The following TENM2 variants were observed in gnomAD, a reference collection of about 807,000 sequenced individuals.
The protein encoded by TENM2 is teneurin transmembrane protein 2, also known as teneurin-2.
TENM2 carries 52 observed loss-of-function variants against 245.2 expected under a neutral mutation model. That is an observed-to-expected ratio of 0.21 (90% CI 0.17 to 0.27). The LOEUF (loss-of-function observed/expected upper bound fraction) is 0.27, where lower values mean the gene tolerates loss of function less well. Ranked by LOEUF, TENM2 falls within the 10% of genes least tolerant of loss-of-function variation. TENM2 has a pLI of 1.00. For missense variants in TENM2, 3,046 were observed against 3,666.8 expected (o/e 0.83, Z 4.37); for synonymous variants, 1,363 against 1,438.9 (o/e 0.95, Z 1.19).
chr5:167,982,161 G>T (rs1368777916), intron 4 of TENM2, among the ~76,000 whole-genome samples: 1 of 152,044 alleles, frequency 6.6e-6, no homozygotes, highest in Non-Finnish European at 1.5e-5. Flanking sequence ...TGCTGCCTGG[G>T]ATGCTCTTTT....
intron 7 of TENM2, among the ~76,000 whole-genome samples, chr5:168,067,511 A>T (rs1172255916): frequency 6.6e-6 from 1 of 152,174 alleles, no homozygotes; most frequent in African/African-American, 2.4e-5. Context: ...CATTTTTTAA[A>T]AGCAGATTTA....
intron 2 of TENM2, among the ~76,000 whole-genome samples, chr5:167,508,744 G>A (rs1242623874): frequency 1.3e-5 from 2 of 152,136 alleles, no homozygotes; most frequent in African/African-American, 4.8e-5. Context: ...CAGAATAGTG[G>A]TCTCATAACC....
chr5:167,234,306 G>T, the TENM2 span, among the ~76,000 whole-genome samples: 32,621 of 151,992 alleles, frequency 0.21, 4,178 homozygotes, highest in African/African-American at 0.36. Context: ...CATCCTTCAT[G>T]TTTTACTCTT....
chr5:167,251,222 C>T, the TENM2 span, among the ~76,000 whole-genome samples: 6 of 152,032 alleles, frequency 3.9e-5, no homozygotes, highest in Non-Finnish European at 8.8e-5. Flanking sequence ...GCTGGAAGAA[C>T]GAGAACTGGC....
chr5:167,030,656 C>T, the TENM2 span, among the ~76,000 whole-genome samples: 1 of 152,162 alleles, frequency 6.6e-6, no homozygotes, highest in East Asian at 1.9e-4. Context: ...TTTACATCTT[C>T]CTTTCTACTC....
chr5:167,104,561 A>C, the TENM2 span, among the ~76,000 whole-genome samples: 1 of 152,224 alleles, frequency 6.6e-6, no homozygotes, highest in African/African-American at 2.4e-5. Flanking sequence ...TGTAAAGGGT[A>C]ATTGCATTTT....
intron 2 of TENM2, among the ~76,000 whole-genome samples, chr5:167,715,817 T>C (rs982083490): frequency 2.0e-5 from 3 of 152,222 alleles, no homozygotes; most frequent in African/African-American, 2.4e-5. Context: ...ATACGAAATA[T>C]ATTCCCACTG....
intron 2 of TENM2, among the ~76,000 whole-genome samples, chr5:167,446,793 G>GCACACACACA (rs34343283): frequency 2.2e-3 from 311 of 144,004 alleles, no homozygotes; most frequent in African/African-American, 5.6e-3. Context: ...TTTGAAACAC[G>GCACACACACA]CACACACACA....
At chr5:167,475,609 T>C (rs1293682207) in intron 2 of TENM2, among the ~76,000 whole-genome samples, 1 of 152,140 alleles carries the variant, frequency 6.6e-6, no homozygotes, top group Admixed American at 6.5e-5. Context: ...AAGCCCCGCA[T>C]GCATTAGGTA....
intron 2 of TENM2, among the ~76,000 whole-genome samples, chr5:167,649,758 G>C (rs1490865744): frequency 6.6e-6 from 1 of 152,130 alleles, no homozygotes; most frequent in Non-Finnish European, 1.5e-5. Flanking sequence ...AGGTATCTAA[G>C]CAAATGTGAT....
At chr5:167,048,706 A>G in the TENM2 span, among the ~76,000 whole-genome samples, 1 of 152,186 alleles carries the variant, frequency 6.6e-6, no homozygotes, top group Non-Finnish European at 1.5e-5. Context: ...ATTAAAAAGT[A>G]TTGCTGCTAA....
chr5:167,694,796 G>A lies in TENM2; in HGVS notation c.503-181190G>A, dbSNP rs142782796. 4.4e-3 allele frequency among the ~76,000 whole-genome samples: 673 copies of A among 152,224 alleles called. 9 individuals carry two copies. Among genetic ancestry groups the A allele is most frequent in the African/African-American group, 0.015 (624 of 41,536 alleles). ...TATAGAAGCTCACTGAAACTGGACC[G>A]TGTAATCACATTGTTCATCAGAAGG... On this transcript the variant is annotated intron_variant, in intron 2 of 28. Transcript: ENST00000518659.
chr5:167,819,126 GAGGGA>G (rs767129361), intron 2 of TENM2, among the ~76,000 whole-genome samples: 1 of 152,112 alleles, frequency 6.6e-6, no homozygotes, highest in Non-Finnish European at 1.5e-5. Flanking sequence ...ATTTATTGCT[GAGGGA>G]AGTCCTGCTT....
At chr5:168,230,630 C>CCTAT (rs146822778) in intron 25 of TENM2, among the ~76,000 whole-genome samples, 3,104 of 152,210 alleles carry the variant, frequency 0.02, 94 homozygotes, top group African/African-American at 0.07. Flanking sequence ...CTCTTCTCTC[C>CCTAT]CTATCTATCT....
intron 2 of TENM2, among the ~76,000 whole-genome samples, chr5:167,638,933 C>A (rs1779386202): frequency 6.6e-6 from 1 of 152,214 alleles, no homozygotes; most frequent in Non-Finnish European, 1.5e-5. Flanking sequence ...TGGGCTAACA[C>A]TTGTCTCTCA....
At chr5:167,179,239 G>T in the TENM2 span, among the ~76,000 whole-genome samples, 2 of 152,188 alleles carry the variant, frequency 1.3e-5, no homozygotes, top group South Asian at 4.2e-4. Context: ...CATGATTTTT[G>T]ATTTTACCTT....
the TENM2 span, among the ~76,000 whole-genome samples, chr5:167,217,735 T>A: frequency 1.7e-4 from 25 of 144,502 alleles, no homozygotes; most frequent in South Asian, 1.5e-3. Flanking sequence ...TATATATATA[T>A]AATATATGTG....
chr5:167,439,877 C>T (rs1764783309), intron 2 of TENM2, among the ~76,000 whole-genome samples: 1 of 152,100 alleles, frequency 6.6e-6, no homozygotes, highest in South Asian at 2.1e-4. Context: ...TAAATCACTA[C>T]CGTGGCCACA....
chr5:167,333,462 A>G (rs4868793), intron 1 of TENM2, among the ~76,000 whole-genome samples: 71,224 of 152,128 alleles, frequency 0.47, 17,924 homozygotes, highest in Non-Finnish European at 0.57. Context: ...TATCATTATT[A>G]GAAAAATAAA....
Sources: allele counts gnomAD v4.1 joint callset (sites outside exome capture counted in the v4.1 genomes callset), GRCh38; gene constraint gnomAD v4.1.1; transcripts MANE v1.5; gene names NCBI Gene and HGNC (gene_info 2026-07-23, HGNC 2026-07-21).